The following NCOR2 variants were observed in gnomAD, a reference collection of about 807,000 sequenced individuals.
NCOR2 encodes nuclear receptor corepressor 2, also known as CTG repeat protein 26.
A neutral mutation model predicts 262.9 loss-of-function variants in NCOR2; 81 were observed. That is an observed-to-expected ratio of 0.31 (90% confidence interval 0.26 to 0.37). NCOR2 has a LOEUF of 0.37. Ranked by LOEUF, NCOR2 falls within the 10% of genes least tolerant of loss-of-function variation. NCOR2 has a pLI of 1.00. For synonymous variants in NCOR2, 1,659 were observed against 1,559.3 expected (o/e 1.06, Z -1.51); for missense variants, 3,385 against 3,621.4 (o/e 0.93, Z 1.68).
intron 1 of NCOR2, among the ~76,000 whole-genome samples, chr12:124,560,570 C>T (rs773342427): frequency 4.6e-5 from 7 of 152,224 alleles, no homozygotes; most frequent in African/African-American, 9.6e-5. Flanking sequence ...CATATTATCA[C>T]GTAGGATGTG....
At chr12:124,484,001 G>A (rs992327758) in intron 2 of NCOR2, among the ~76,000 whole-genome samples, 47 of 152,226 alleles carry the variant, frequency 3.1e-4, no homozygotes, top group Admixed American at 3.0e-3. Context: ...TTACAGGGAG[G>A]GAGTGTGCTA....
chr12:124,541,522 T>G (rs1384991794), intron 1 of NCOR2, among the ~76,000 whole-genome samples: 1 of 6,284 alleles, frequency 1.6e-4, no homozygotes, highest in Non-Finnish European at 3.1e-4. Flanking sequence ...GGGTGGGGAG[T>G]GGAGATGGAG....
intron 11 of NCOR2, among the ~76,000 whole-genome samples, chr12:124,424,735 G>C (rs1419345049): frequency 6.6e-6 from 1 of 152,162 alleles, no homozygotes; most frequent in Non-Finnish European, 1.5e-5. Context: ...CAAAGCCCAG[G>C]GCACTGGGGA....
At position 124,483,634 on chromosome 12, in the gene NCOR2, CCAGCAGGGGTGACGGTCG is replaced by C; in HGVS notation, c.355_372del (p.Arg119_Leu124del). ...TCAGATCCCGCAGGCTGGCCCGTGG[CCAGCAGGGGTGACGGTCG>C]CAGCAGGGGGTCAGGCAGCAGCTCT... On this transcript the variant is annotated inframe_deletion, in exon 3 of 47. Coordinates refer to ENST00000405201, the Ensembl canonical transcript of NCOR2. The surrounding 1 kb of genome is among the most constrained non-coding windows in gnomAD (Gnocchi z 6.3). 6.2e-7 allele frequency: 1 copy of C among 1,609,506 alleles called. No individual in the cohort carries two copies. The highest frequency in any genetic ancestry group is 2.2e-5 in the East Asian group (1 of 44,676).
chr12:124,354,427 A>ACCC, intron 26 of NCOR2, 51 bp downstream of exon 28: 1 of 1,422,390 alleles, frequency 7.0e-7, no homozygotes, highest in Non-Finnish European at 9.3e-7. Context: ...CCCTTTGGGC[A>ACCC]CCCGAGGAAC....
chr12:124,475,929 G>A (rs369838422), intron 3 of NCOR2, among the ~76,000 whole-genome samples: 1 of 152,218 alleles, frequency 6.6e-6, no homozygotes. Flanking sequence ...AGAACCATAG[G>A]GCTGAGCATA....
intron 27 of NCOR2, among the ~76,000 whole-genome samples, chr12:124,353,629 C>T (rs3782253): frequency 0.32 from 49,089 of 152,106 alleles, 8,289 homozygotes; most frequent in East Asian, 0.46. Context: ...AGTCCTGGCA[C>T]GATTCAGGAA....
At chr12:124,490,243 T>C (rs2048006348) in intron 1 of NCOR2, among the ~76,000 whole-genome samples, 1 of 152,146 alleles carries the variant, frequency 6.6e-6, no homozygotes, top group Non-Finnish European at 1.5e-5. Context: ...TCTACTTAAA[T>C]CTGGGCTCCC....
chr12:124,433,641 A>G (rs1244090015), intron 8 of NCOR2, among the ~76,000 whole-genome samples: 2 of 152,114 alleles, frequency 1.3e-5, no homozygotes, highest in Admixed American at 6.5e-5. Context: ...GGGTCTAACC[A>G]CAGTGCCACC....
chr12:124,479,997 G>C (rs1191999321), intron 3 of NCOR2, among the ~76,000 whole-genome samples: 1 of 152,190 alleles, frequency 6.6e-6, no homozygotes, highest in African/African-American at 2.4e-5. Flanking sequence ...GGCAGTCGGC[G>C]CTCACTTAAT....
At chr12:124,409,877 C>T (rs1414549264) in intron 13 of NCOR2, among the ~76,000 whole-genome samples, 1 of 151,998 alleles carries the variant, frequency 6.6e-6, no homozygotes, top group Admixed American at 6.6e-5. Context: ...TGGGGTCTCA[C>T]CATGTTGCCC....
At chr12:124,518,491 CGG>C (rs969589672) in intron 1 of NCOR2, among the ~76,000 whole-genome samples, 2 of 152,234 alleles carry the variant, frequency 1.3e-5, no homozygotes, top group Non-Finnish European at 2.9e-5. Flanking sequence ...GCGACAAGTG[CGG>C]GGCCGCCTGA....
chr12:124,394,450 C>T (rs939099914), intron 16 of NCOR2, among the ~76,000 whole-genome samples: 5 of 152,202 alleles, frequency 3.3e-5, no homozygotes, highest in African/African-American at 1.2e-4. Flanking sequence ...GAGAGCATCC[C>T]CCCAACATTT....
At chr12:124,434,703 T>C (rs528456897) in intron 8 of NCOR2, among the ~76,000 whole-genome samples, 126 of 152,198 alleles carry the variant, frequency 8.3e-4, no homozygotes, top group African/African-American at 2.7e-3. Flanking sequence ...TCGCGCTGAA[T>C]TGGCAGTCAT....
intron 20 of NCOR2, among the ~76,000 whole-genome samples, chr12:124,371,007 G>A (rs995990966): frequency 3.3e-5 from 5 of 152,042 alleles, no homozygotes; most frequent in African/African-American, 9.7e-5. Flanking sequence ...CACCACGCTC[G>A]CATCTCCATC....
intron 43 of NCOR2, among the ~76,000 whole-genome samples, chr12:124,331,267 T>C (rs1399327322): frequency 1.3e-5 from 2 of 152,076 alleles, no homozygotes; most frequent in East Asian, 3.9e-4. Flanking sequence ...TTCACCATGT[T>C]GGTCAGGCTG....
intron 28 of NCOR2, among the ~76,000 whole-genome samples, chr12:124,349,523 C>T (rs751157876): frequency 2.0e-5 from 3 of 152,140 alleles, no homozygotes; most frequent in South Asian, 2.1e-4. Context: ...CCTGGCTGAC[C>T]GGTGGCCGCA....
intron 8 of NCOR2, 41 bp from the exon 11 acceptor site, chr12:124,430,828 C>A: frequency 6.4e-7 from 1 of 1,556,944 alleles, no homozygotes; most frequent in Non-Finnish European, 8.7e-7. Flanking sequence ...TGCTCCTGCA[C>A]CTGGCACCCG....
rs527777332 is a variant in NCOR2 at position 124,326,178 on chromosome 12, A to C, written c.7363+13T>G. 6.6e-7 allele frequency: 1 copy of C among 1,510,068 alleles called. No homozygotes were observed. Among genetic ancestry groups the C allele is most frequent in the African/African-American group, 1.4e-5 (1 of 71,296 alleles). 93.5% of individuals were successfully genotyped at this position (1,510,068 alleles called of 1,614,324 possible). A position where few individuals can be genotyped will look rare whatever the true frequency, so the allele number is the denominator to read the frequency against. On this transcript the variant is annotated intron_variant, in intron 46 of 46. Transcript: ENST00000405201. ...GCTCAGCGAGCCCAGCCCTGTCCCC[A>C]CCTGGTGCCCACCTGCGGACGAGGG...
Sources: allele counts gnomAD v4.1 joint callset (sites outside exome capture counted in the v4.1 genomes callset), GRCh38; gene constraint gnomAD v4.1.1; non-coding constraint Gnocchi (gnomAD v3.1); transcripts MANE v1.5; gene names NCBI Gene and HGNC (gene_info 2026-07-23, HGNC 2026-07-21).